SNX8: variants seen among roughly 807,000 people sequenced by gnomAD.
The protein encoded by SNX8 is sorting nexin-8.
SNX8 carries 25 observed loss-of-function variants against 51.6 expected under a neutral mutation model. That is an observed-to-expected ratio of 0.48 (90% CI 0.35 to 0.68). The LOEUF is 0.68. Among genes scored for constraint, SNX8 ranks in the 30% least tolerant of loss-of-function variants. The pLI is 0.00. For synonymous variants in SNX8, 324 were observed against 277.0 expected, an observed-to-expected ratio of 1.17 and a Z score of -1.68; for missense variants, 695 against 624.0, an observed-to-expected ratio of 1.11 and a Z score of -1.21.
At chr7:2,352,838 TAAA>T (rs113417386) in intron 1 of SNX8, among the ~76,000 whole-genome samples, 1 of 137,024 alleles carries the variant, frequency 7.3e-6, no homozygotes, top group African/African-American at 2.7e-5. Flanking sequence ...TCCGTCTAAA[TAAA>T]AAAAAAAAAA....
At chr7:2,346,483 C>G (rs1398740245) in intron 1 of SNX8, among the ~76,000 whole-genome samples, 1 of 150,954 alleles carries the variant, frequency 6.6e-6, no homozygotes, top group Non-Finnish European at 1.5e-5. Flanking sequence ...CACGGTGGCT[C>G]ACACCTGTAA....
upstream of SNX8, among the ~76,000 whole-genome samples, chr7:2,316,250 C>T (rs1796754863): frequency 6.6e-6 from 1 of 151,124 alleles, no homozygotes; most frequent in Non-Finnish European, 1.5e-5. Flanking sequence ...CATTCACCCA[C>T]TCACTCACTC....
At chr7:2,296,422 T>G (rs1427710034) in intron 1 of SNX8, among the ~76,000 whole-genome samples, 1 of 152,028 alleles carries the variant, frequency 6.6e-6, no homozygotes, top group Non-Finnish European at 1.5e-5. Context: ...TTGTGTATAC[T>G]GATTTTGTAA....
At position 2,271,913 on chromosome 7, in the gene SNX8, C is replaced by G; in HGVS notation, c.477G>C (p.Val159=). The G allele has an allele frequency of 6.2e-7, 1 of 1,614,092 alleles. No homozygotes were observed. Among genetic ancestry groups the G allele is most frequent in the Admixed American group, 1.7e-5 (1 of 60,024 alleles). The part of the protein sequence containing the change: ...RRALKRFVNL[V]ARHPLFSEDV... ...CCTCGGAGAACAGGGGGTGTCGCGC[C>G]ACCAGGTTGACGAAGCGCTTCAGGG... Residue 159 remains valine, a synonymous_variant, in exon 4 of 11, where the codon GTG becomes GTC. Coordinates refer to ENST00000222990, the MANE Select transcript of SNX8 (RefSeq NM_013321.4).
chr7:2,306,474 A>G (rs1336399299), intron 1 of SNX8, among the ~76,000 whole-genome samples: 1 of 152,182 alleles, frequency 6.6e-6, no homozygotes, highest in African/African-American at 2.4e-5. Flanking sequence ...TGTGGCAAGA[A>G]TATCTCTAAC....
At chr7:2,346,269 C>G (rs1255330405) in intron 1 of SNX8, among the ~76,000 whole-genome samples, 1 of 64,008 alleles carries the variant, frequency 1.6e-5, no homozygotes, top group African/African-American at 6.5e-5. Flanking sequence ...TAGTGAGACC[C>G]TGGTCTCTAC....
intron 3 of SNX8, 28 bp from the exon 4 acceptor site, chr7:2,271,999 A>G (rs1434109687): frequency 6.2e-7 from 1 of 1,612,710 alleles, no homozygotes; most frequent in East Asian, 2.2e-5. Context: ...GTCACTGGAC[A>G]GAGTCCAGGG....
intron 5 of SNX8, among the ~76,000 whole-genome samples, chr7:2,265,080 C>T (rs935506425): frequency 6.6e-5 from 10 of 151,484 alleles, no homozygotes; most frequent in African/African-American, 9.7e-5. Flanking sequence ...TCTTGCCGGG[C>T]GCAGTGGCTC....
rs1386315897 is a variant in SNX8, at chr7:2,263,349, C to G, written c.796G>C (p.Asp266His). Residue 266 changes from aspartate to histidine, a missense_variant, in exon 7 of 11, where the codon GAC becomes CAC. Asp to His is a moderately conservative substitution (Grantham distance 81). Coordinates refer to ENST00000222990, the MANE Select transcript of SNX8 (RefSeq NM_013321.4). ...FGKELSAIGS[D>H]TTPLPSWAAL... ...GCCCAGGAGGGCAGCGGGGTCGTGT[C>G]AGACCCTATTGCACTGAGGGAGCAA... 30 of 1,604,554 alleles carry G rather than the reference C, an allele frequency of 1.9e-5. No individual in the cohort carries two copies. The highest frequency in any genetic ancestry group is 2.5e-5 in the Non-Finnish European group (29 of 1,175,662).
intron 1 of SNX8, among the ~76,000 whole-genome samples, chr7:2,280,477 CA>C (rs1168122413): frequency 0.03 from 3,636 of 120,082 alleles, 113 homozygotes; most frequent in African/African-American, 0.097. Context: ...GACTCTGTCT[CA>C]AAAAAAAAAA....
chr7:2,308,542 C>T (rs531705405), intron 1 of SNX8, among the ~76,000 whole-genome samples: 4 of 151,806 alleles, frequency 2.6e-5, no homozygotes, highest in African/African-American at 7.2e-5. Flanking sequence ...GTGGCACACG[C>T]CTGTAATCCC....
rs367845916 is a variant in SNX8, at chr7:2,254,736, C to A, written c.*320G>T. 1 of 392,820 alleles carries A rather than the reference C, an allele frequency of 2.5e-6. No homozygotes were observed. Among genetic ancestry groups the A allele is most frequent in the South Asian group, 2.7e-5 (1 of 37,114 alleles). The allele number at this position is 392,820 out of a possible 1,614,324, so 24.3% of individuals were successfully genotyped here. On this transcript the variant is annotated 3_prime_UTR_variant, in exon 11 of 11. Coordinates refer to ENST00000222990, the MANE Select transcript of SNX8 (RefSeq NM_013321.4). ...CACCTGGAGGCCCTGCCTCCACGCT[C>A]CCCCAGGCACAATCTCTGTGAGATG... is the stretch of plus-strand genomic sequence containing the variant.
chr7:2,352,056 T>C (rs563300793), intron 1 of SNX8, among the ~76,000 whole-genome samples: 31 of 151,896 alleles, frequency 2.0e-4, no homozygotes, highest in South Asian at 1.7e-3. Context: ...TACAGGCATG[T>C]GCCACCATGC....
At chr7:2,278,386 G>A in intron 1 of SNX8, 81 bp from the exon 2 acceptor site, 1 of 880,816 alleles carries the variant, frequency 1.1e-6, no homozygotes. Flanking sequence ...GCGCAGCCCT[G>A]TAATCCCAGC....
intron 1 of SNX8, among the ~76,000 whole-genome samples, chr7:2,348,740 A>G (rs901742824): frequency 5.3e-5 from 8 of 151,404 alleles, no homozygotes; most frequent in African/African-American, 1.9e-4. Flanking sequence ...TGAGGTCAGG[A>G]GTTCAAGGCC....
At chr7:2,330,317 T>C (rs527806735) in intron 1 of SNX8, among the ~76,000 whole-genome samples, 4 of 146,886 alleles carry the variant, frequency 2.7e-5, no homozygotes, top group East Asian at 2.0e-4. Context: ...TTTGTATTTT[T>C]AGTAGAGACA....
intron 2 of SNX8, among the ~76,000 whole-genome samples, chr7:2,276,985 G>A (rs2115133825): frequency 6.6e-6 from 1 of 152,318 alleles, no homozygotes. Flanking sequence ...TTTTACCCAG[G>A]ACCATCTGCT....
At chr7:2,275,261 C>T (rs1401788624) in intron 2 of SNX8, 32 bp from the exon 3 acceptor site, 24 of 1,464,814 alleles carry the variant, frequency 1.6e-5, no homozygotes, top group Non-Finnish European at 2.3e-5. Context: ...TTAGATCCGA[C>T]GTTGGAAACT....
intron 1 of SNX8, among the ~76,000 whole-genome samples, chr7:2,324,641 A>C (rs983022637): frequency 8.5e-5 from 13 of 152,206 alleles, no homozygotes; most frequent in Non-Finnish European, 1.8e-4. Flanking sequence ...AAAAAAATTT[A>C]GGAAGTGGTA....
Sources: allele counts gnomAD v4.1 joint callset (sites outside exome capture counted in the v4.1 genomes callset), GRCh38; gene constraint gnomAD v4.1.1; transcripts MANE v1.5; gene names NCBI Gene and HGNC (gene_info 2026-07-23, HGNC 2026-07-21).